NAV2: variants seen among roughly 807,000 people sequenced by gnomAD.
NAV2 encodes neuron navigator 2.
In NAV2, 54 loss-of-function variants were observed where a neutral mutation model predicts 223.2. That is an observed-to-expected ratio of 0.24 (90% CI 0.19 to 0.30). The LOEUF (loss-of-function observed/expected upper bound fraction) is 0.30, where lower values mean the gene tolerates loss of function less well. Among genes scored for constraint, NAV2 ranks in the 10% least tolerant of loss-of-function variants. The probability of loss-of-function intolerance (pLI) is 1.00; values close to 1 mark genes in which losing one functional copy is unlikely to be tolerated. For synonymous variants in NAV2, 1,279 were observed against 1,239.3 expected (o/e 1.03, Z -0.67); for missense variants, 2,806 against 3,147.5 (o/e 0.89, Z 2.60).
In NAV2 at chr11:19,892,491, A is replaced by C. The variant is rs780184552; in HGVS notation, c.828A>C (p.Gly276=). The change falls in exon 6 of 38, where the codon GGA becomes GGC. Residue 276 remains glycine, a synonymous_variant. Transcript: ENST00000349880. Reference sequence around the variant, plus strand: ...CAGGCAGCGAGGCCAAAACACGCGGAGGGTCAACTACTGCTAACAACCGAC... The same window carrying C: ...CAGGCAGCGAGGCCAAAACACGCGGCGGGTCAACTACTGCTAACAACCGAC... ...SAAGSEAKTR[G]GSTTANNRRS... 10 of 1,614,154 alleles carry C rather than the reference A, an allele frequency of 6.2e-6. No individual in the cohort carries two copies. The South Asian group carries it at 8.8e-5, about 14-fold the overall frequency.
intron 1 of NAV2, among the ~76,000 whole-genome samples, chr11:19,359,434 T>C (rs561834244): frequency 2.0e-5 from 3 of 152,226 alleles, no homozygotes; most frequent in Non-Finnish European, 4.4e-5. Context: ...TGATCATTTA[T>C]AGGTAAGATA....
intron 1 of NAV2, among the ~76,000 whole-genome samples, chr11:19,612,595 C>T (rs1389595666): frequency 6.6e-6 from 1 of 152,216 alleles, no homozygotes; most frequent in East Asian, 1.9e-4. Context: ...TAAAATGCCA[C>T]CAGCCTCTTT....
chr11:20,082,638 A>G lies in NAV2; in HGVS notation c.5326-369A>G, dbSNP rs376383883. 29 of 1,603,034 alleles carry G rather than the reference A, an allele frequency of 1.8e-5. No individual in the cohort carries two copies. The African/African-American group carries it at 3.7e-4, about 21-fold the overall frequency. On this transcript the variant is annotated intron_variant, in intron 25 of 37. Coordinates refer to ENST00000349880, the MANE Select transcript of NAV2 (RefSeq NM_145117.5). The stretch of plus-strand genomic sequence containing the variant: ...AACTTTAATATCAGATACCAAGCTA[A>G]CCCATCCATTGATATGACTAACCTC...
chr11:19,813,875 GT>G (rs1289825441), intron 1 of NAV2, among the ~76,000 whole-genome samples: 6 of 152,272 alleles, frequency 3.9e-5, no homozygotes, highest in African/African-American at 1.2e-4. Flanking sequence ...CTCCAGGGAT[GT>G]TGGCAGGGTC....
intron 7 of NAV2, 147 bp from the exon 8 acceptor site, chr11:19,939,514 A>C: frequency 1.7e-6 from 1 of 594,138 alleles, no homozygotes; most frequent in South Asian, 2.3e-5. Flanking sequence ...CGGCTAATGA[A>C]TTATTTAGCG....
intron 11 of NAV2, among the ~76,000 whole-genome samples, chr11:20,013,706 G>A (rs555847766): frequency 6.6e-6 from 1 of 152,314 alleles, no homozygotes; most frequent in South Asian, 2.1e-4. Flanking sequence ...TCCCTAGAAA[G>A]TCTGCAGTAA....
intron 1 of NAV2, among the ~76,000 whole-genome samples, chr11:19,545,780 A>C (rs1017152227): frequency 1.3e-5 from 2 of 151,776 alleles, no homozygotes; most frequent in Non-Finnish European, 2.9e-5. Context: ...TTTTTAGCTC[A>C]TCAGCTATTG....
intron 1 of NAV2, among the ~76,000 whole-genome samples, chr11:19,665,203 G>C (rs1440203887): frequency 3.3e-5 from 5 of 152,172 alleles, no homozygotes; most frequent in African/African-American, 9.7e-5. Context: ...GAAGCAAGAG[G>C]CATGTCTGCA....
intron 1 of NAV2, among the ~76,000 whole-genome samples, chr11:19,818,313 A>G (rs1173671858): frequency 2.1e-5 from 3 of 142,730 alleles, no homozygotes; most frequent in African/African-American, 8.1e-5. Context: ...TGGCTCTCCA[A>G]GGAGAAAAGC....
intron 1 of NAV2, among the ~76,000 whole-genome samples, chr11:19,731,478 G>T (rs914777487): frequency 1.6e-4 from 24 of 152,248 alleles, no homozygotes; most frequent in African/African-American, 5.8e-4. Flanking sequence ...TTACAGGCTA[G>T]TAGGGGAGAG....
intron 20 of NAV2, 65 bp downstream of exon 20, chr11:20,062,424 C>A: frequency 8.0e-7 from 1 of 1,255,872 alleles, no homozygotes; most frequent in Non-Finnish European, 1.1e-6. Context: ...TCAAATGTGT[C>A]AAGAATAAAA....
chr11:20,011,337 AG>A (rs2153510923), intron 11 of NAV2, among the ~76,000 whole-genome samples: 1 of 152,348 alleles, frequency 6.6e-6, no homozygotes, highest in African/African-American at 2.4e-5. Flanking sequence ...TAAAAGAAAA[AG>A]GTTGTAATGT....
At chr11:19,568,038 G>A (rs2045323085) in intron 1 of NAV2, among the ~76,000 whole-genome samples, 1 of 152,240 alleles carries the variant, frequency 6.6e-6, no homozygotes, top group Non-Finnish European at 1.5e-5. Context: ...CTGTGATCCT[G>A]CAGCTGATGC....
intron 1 of NAV2, among the ~76,000 whole-genome samples, chr11:19,627,720 G>T (rs1565044): frequency 1 from 151,883 of 151,928 alleles, 75,919 homozygotes; most frequent in Middle Eastern, 1. Flanking sequence ...AAGAGAACAT[G>T]CCCCCTTCTG....
chr11:19,829,269 A>G (rs1755995953), intron 1 of NAV2, among the ~76,000 whole-genome samples: 1 of 152,194 alleles, frequency 6.6e-6, no homozygotes, highest in Admixed American at 6.5e-5. Flanking sequence ...AGTGTGGTGC[A>G]TCCCCTAGTT....
At chr11:19,353,540 T>C (rs761171725) in intron 1 of NAV2, among the ~76,000 whole-genome samples, 1 of 152,162 alleles carries the variant, frequency 6.6e-6, no homozygotes, top group African/African-American at 2.4e-5. Context: ...ATTTTTAGAG[T>C]CTACATTTTC....
chr11:19,554,498 C>A (rs1771326853), intron 1 of NAV2, among the ~76,000 whole-genome samples: 3 of 152,158 alleles, frequency 2.0e-5, no homozygotes, highest in Admixed American at 2.0e-4. Flanking sequence ...TTGCCCTGAA[C>A]CCAAAGCTAG....
At chr11:19,773,665 G>A (rs937836445) in intron 1 of NAV2, among the ~76,000 whole-genome samples, 4 of 152,170 alleles carry the variant, frequency 2.6e-5, no homozygotes, top group African/African-American at 9.7e-5. Context: ...GGATGAGGAG[G>A]TTGTGAGAAG....
chr11:19,861,000 C>G (rs992649693), intron 3 of NAV2, among the ~76,000 whole-genome samples: 18 of 128,792 alleles, frequency 1.4e-4, no homozygotes, highest in South Asian at 2.8e-4. Flanking sequence ...AGCTTCGGCT[C>G]GGCATCAGAG....
Sources: allele counts gnomAD v4.1 joint callset (sites outside exome capture counted in the v4.1 genomes callset), GRCh38; gene constraint gnomAD v4.1.1; transcripts MANE v1.5; gene names NCBI Gene and HGNC (gene_info 2026-07-23, HGNC 2026-07-21).